The following ANKDD1B variants were observed in gnomAD, a reference collection of about 807,000 sequenced individuals.
ANKDD1B encodes ankyrin repeat and death domain-containing protein 1B.
ANKDD1B carries 57 observed loss-of-function variants against 59.7 expected under a neutral mutation model. The observed-to-expected ratio is 0.95, with a 90% confidence interval of 0.77 to 1.19. The LOEUF (loss-of-function observed/expected upper bound fraction) is 1.19, where lower values mean the gene tolerates loss of function less well. Ranked by LOEUF, ANKDD1B falls within the 50% of genes most tolerant of loss-of-function variation. The pLI, the probability that ANKDD1B is intolerant of heterozygous loss-of-function variation, is 0.00. For missense variants in ANKDD1B, 602 were observed against 641.9 expected, an observed-to-expected ratio of 0.94 and a Z score of 0.67; for synonymous variants, 216 against 239.5, an observed-to-expected ratio of 0.90 and a Z score of 0.91.
chr5:75,666,555 A>G (rs1775310061), intron 11 of ANKDD1B, among the ~76,000 whole-genome samples: 1 of 152,144 alleles, frequency 6.6e-6, no homozygotes, highest in Admixed American at 6.5e-5. Flanking sequence ...ACAATAGGCA[A>G]AATCCCTCAC....
intron 11 of ANKDD1B, 78 bp downstream of exon 11, chr5:75,663,567 G>A (rs1254568313): frequency 1.7e-6 from 2 of 1,179,500 alleles, no homozygotes; most frequent in Non-Finnish European, 2.4e-6. Context: ...GGGGGGGTCT[G>A]TGCCATTCTT....
chr5:75,628,752 G>C (rs1212135344), intron 5 of ANKDD1B, among the ~76,000 whole-genome samples: 1 of 152,102 alleles, frequency 6.6e-6, no homozygotes, highest in African/African-American at 2.4e-5. Context: ...GAGGTTGCTG[G>C]GAAACCTTCT....
intron 3 of ANKDD1B, among the ~76,000 whole-genome samples, chr5:75,623,418 T>C (rs1022573887): frequency 2.0e-5 from 3 of 152,128 alleles, no homozygotes; most frequent in Non-Finnish European, 4.4e-5. Flanking sequence ...GAGCGCTGAC[T>C]TGTAGGGAAC....
At chr5:75,628,121 A>G (rs113573584) in intron 5 of ANKDD1B, among the ~76,000 whole-genome samples, 2 of 152,232 alleles carry the variant, frequency 1.3e-5, no homozygotes, top group African/African-American at 2.4e-5. Context: ...ATTGATGAAT[A>G]GAAAACACAG....
chr5:75,645,012 G>T (rs1441184802), intron 7 of ANKDD1B, among the ~76,000 whole-genome samples: 1 of 134,620 alleles, frequency 7.4e-6, no homozygotes, highest in Admixed American at 6.8e-5. Flanking sequence ...GGTACATAAT[G>T]AAATGAAGGC....
chr5:75,661,899 ATTT>A (rs35120763), intron 10 of ANKDD1B, among the ~76,000 whole-genome samples: 369 of 92,792 alleles, frequency 4.0e-3, no homozygotes, highest in African/African-American at 9.9e-3. Context: ...GGCTCCCACA[ATTT>A]TTTTTTTTTT....
chr5:75,627,483 G>A (rs1774024351), intron 5 of ANKDD1B, among the ~76,000 whole-genome samples: 1 of 152,100 alleles, frequency 6.6e-6, no homozygotes, highest in Admixed American at 6.5e-5. Flanking sequence ...TGACTATAAA[G>A]CACTTAGCAA....
chr5:75,653,467 C>T (rs763634753), intron 8 of ANKDD1B, among the ~76,000 whole-genome samples: 4 of 152,138 alleles, frequency 2.6e-5, no homozygotes, highest in African/African-American at 9.7e-5. Context: ...AAAATGAAAT[C>T]TTTGTGTTTT....
chr5:75,654,486 G>C lies in ANKDD1B; in HGVS notation c.897+1246G>C, dbSNP rs552254891. On this transcript the variant is annotated intron_variant, in intron 8 of 13. Coordinates refer to ENST00000601380, the MANE Select transcript of ANKDD1B (RefSeq NM_001276713.2). Reference sequence around the variant, plus strand: ...AAACAGAGTATAAACTGTTAGGGCAGCCTGGGCAACATGGCAAGACCCCAT... The same window carrying C: ...AAACAGAGTATAAACTGTTAGGGCACCCTGGGCAACATGGCAAGACCCCAT... 3.7e-4 allele frequency among the ~76,000 whole-genome samples: 57 copies of C among 152,280 alleles called. No individual in the cohort carries two copies. In the South Asian group the frequency reaches 0.012, roughly 31 times the overall value.
At chr5:75,649,539 G>T (rs946056840) in intron 7 of ANKDD1B, among the ~76,000 whole-genome samples, 1 of 151,992 alleles carries the variant, frequency 6.6e-6, no homozygotes, top group East Asian at 1.9e-4. Flanking sequence ...CCCTACACAC[G>T]GAGCCCATGA....
intron 1 of ANKDD1B, among the ~76,000 whole-genome samples, chr5:75,616,177 T>A (rs1274621538): frequency 6.6e-6 from 1 of 152,138 alleles, no homozygotes; most frequent in African/African-American, 2.4e-5. Flanking sequence ...AACAAAAAAC[T>A]CAATAAACCC....
At chr5:75,668,663 G>A (rs1775380835) in intron 12 of ANKDD1B, among the ~76,000 whole-genome samples, 1 of 152,118 alleles carries the variant, frequency 6.6e-6, no homozygotes, top group Non-Finnish European at 1.5e-5. Flanking sequence ...TCCCTATCCC[G>A]GTACTTCCCC....
intron 5 of ANKDD1B, among the ~76,000 whole-genome samples, chr5:75,627,831 G>A (rs570153648): frequency 3.3e-5 from 5 of 152,304 alleles, no homozygotes; most frequent in South Asian, 2.1e-4. Flanking sequence ...AGGTTTGCGG[G>A]GAGCCTTCCC....
At chr5:75,651,774 G>A (rs1774837773) in intron 7 of ANKDD1B, among the ~76,000 whole-genome samples, 1 of 152,174 alleles carries the variant, frequency 6.6e-6, no homozygotes, top group Non-Finnish European at 1.5e-5. Context: ...AGTCAGCTCA[G>A]GCTGCTATAA....
At chr5:75,625,114 G>A (rs568178077) in intron 3 of ANKDD1B, among the ~76,000 whole-genome samples, 2 of 152,104 alleles carry the variant, frequency 1.3e-5, no homozygotes, top group Non-Finnish European at 2.9e-5. Context: ...TCCCAGGAGT[G>A]GGATTGCTGG....
intron 13 of ANKDD1B, among the ~76,000 whole-genome samples, chr5:75,669,712 T>C (rs1034862179): frequency 2.0e-5 from 3 of 152,166 alleles, no homozygotes; most frequent in African/African-American, 7.2e-5. Flanking sequence ...CATACAGTTA[T>C]AGGATTGTTC....
chr5:75,657,884 G>A (rs1346800531), intron 9 of ANKDD1B, among the ~76,000 whole-genome samples: 8 of 149,814 alleles, frequency 5.3e-5, no homozygotes, highest in Non-Finnish European at 1.0e-4. Context: ...GCAACAGAGT[G>A]AGACTCCATC....
intron 7 of ANKDD1B, among the ~76,000 whole-genome samples, chr5:75,651,194 TTGA>T (rs747667446): frequency 3.3e-5 from 5 of 152,166 alleles, no homozygotes; most frequent in Admixed American, 6.5e-5. Context: ...ACCCCACCTC[TTGA>T]TGAAGGGAGT....
chr5:75,643,240 G>A (rs1774532091), intron 7 of ANKDD1B, among the ~76,000 whole-genome samples: 1 of 85,068 alleles, frequency 1.2e-5, no homozygotes, highest in Non-Finnish European at 1.9e-5. Context: ...GAACAAAGCT[G>A]GATGGAGAAT....
Sources: allele counts gnomAD v4.1 joint callset (sites outside exome capture counted in the v4.1 genomes callset), GRCh38; gene constraint gnomAD v4.1.1; transcripts MANE v1.5; gene names NCBI Gene and HGNC (gene_info 2026-07-23, HGNC 2026-07-21).